Variants in CHMP6 observed in about 807,000 individuals in gnomAD.
The protein encoded by CHMP6 is charged multivesicular body protein 6.
A neutral mutation model predicts 32.8 loss-of-function variants in CHMP6; 10 were observed. The ratio of observed to expected loss-of-function variants is 0.30; its 90% CI spans 0.19 to 0.52. CHMP6 has a LOEUF of 0.52. Ranked by LOEUF, CHMP6 falls within the 20% of genes least tolerant of loss-of-function variation. The pLI is 0.97. For synonymous variants in CHMP6, 123 were observed against 105.8 expected (o/e 1.16, Z -1.00); for missense variants, 269 against 263.8 (o/e 1.02, Z -0.14).
At chr17:80,999,045 GT>G (rs1351257119) in intron 7 of CHMP6, 52 bp from the exon 8 acceptor site, 32 of 1,606,804 alleles carry the variant, frequency 2.0e-5, no homozygotes, top group Non-Finnish European at 2.6e-5. Flanking sequence ...CTCTCTGGAG[GT>G]CTCTGCCTGT....
intron 4 of CHMP6, among the ~76,000 whole-genome samples, chr17:80,996,155 A>G (rs2069635807): frequency 6.6e-6 from 1 of 152,078 alleles, no homozygotes; most frequent in African/African-American, 2.4e-5. Context: ...CCCTGTCTCT[A>G]CTAATAATAC....
rs568506192 is a variant in CHMP6 at position 80,993,772 on chromosome 17, G to A, written c.64-809G>A. On this transcript the variant is annotated intron_variant, in intron 1 of 7. Coordinates refer to ENST00000325167, the MANE Select transcript of CHMP6 (RefSeq NM_024591.5). ...GGGCCGAGTGGGTGTCCCTGCAGCC[G>A]GATGGTTGGCAAAGGGGCAGGGAAG... is the stretch of plus-strand genomic sequence containing the variant. Among the ~76,000 whole-genome samples, 5 of 152,200 alleles carry A rather than the reference G, an allele frequency of 3.3e-5. No individual in the cohort carries two copies. In the South Asian group the frequency reaches 1.0e-3, roughly 31 times the overall value.
intron 4 of CHMP6, 40 bp downstream of exon 4, chr17:80,995,798 G>T (rs1410006250): frequency 6.3e-7 from 1 of 1,581,838 alleles, no homozygotes; most frequent in South Asian, 1.1e-5. Flanking sequence ...GGTGTGGGGA[G>T]CCCATTGGGC....
In CHMP6 at chr17:80,999,478, G is replaced by A. The variant is rs764826426; in HGVS notation, c.*325G>A. ...GCTGTTCCCCTGCAGTCCCAGCCCC[G>A]CGTGGCTCGCGCTCGTCTGTGAGGA... On this transcript the variant is annotated 3_prime_UTR_variant, in exon 8 of 8. Coordinates refer to ENST00000325167, the MANE Select transcript of CHMP6 (RefSeq NM_024591.5). 11 of 329,642 alleles carry A rather than the reference G, an allele frequency of 3.3e-5. No homozygotes were observed. The highest frequency in any genetic ancestry group is 4.6e-5 in the Non-Finnish European group (8 of 174,256). 20.4% of individuals were successfully genotyped at this position (329,642 alleles called of 1,614,324 possible).
At position 80,999,056 on chromosome 17, in the gene CHMP6, T is replaced by C. The variant is rs184137620; in HGVS notation, c.551-42T>C. ...GTCCCTCTCTGGAGGTCTCTGCCTG[T>C]GGGTCTTTGGCGTGTCATAAACATC... On this transcript the variant is annotated intron_variant, in intron 7 of 7. Coordinates refer to ENST00000325167, the MANE Select transcript of CHMP6 (RefSeq NM_024591.5). The C allele has an allele frequency of 4.9e-5, 79 of 1,611,852 alleles. No individual in the cohort carries two copies. In the East Asian group the frequency reaches 1.5e-3, roughly 31 times the overall value.
At chr17:80,995,565 CCA>C in intron 3 of CHMP6, 105 bp from the exon 4 acceptor site, 3 of 908,718 alleles carry the variant, frequency 3.3e-6, no homozygotes, top group Admixed American at 1.9e-5. Flanking sequence ...ACCCTCACGC[CCA>C]GCAGCACCCG....
Position 80,999,234 on chromosome 17 carries a change from A to T in CHMP6, c.*81A>T. On this transcript the variant is annotated 3_prime_UTR_variant, in exon 8 of 8. Transcript: ENST00000325167. ...GAGTTTGGGTCACGGCCAGCCCCTG[A>T]CCGGGTTCCCTGGAGCCCAGTGCGC... 2 of 1,551,966 alleles carry T rather than the reference A, an allele frequency of 1.3e-6. No homozygotes were observed. Among genetic ancestry groups the T allele is most frequent in the Non-Finnish European group, 1.8e-6 (2 of 1,126,080 alleles).
chr17:80,992,661 AC>A (rs1014141658), intron 1 of CHMP6, among the ~76,000 whole-genome samples: 1 of 151,330 alleles, frequency 6.6e-6, no homozygotes, highest in Non-Finnish European at 1.5e-5. Flanking sequence ...CTCCAGACTG[AC>A]CCCCCGGGGC....
At chr17:80,995,395 C>T (rs1341803417) in intron 3 of CHMP6, among the ~76,000 whole-genome samples, 6 of 152,046 alleles carry the variant, frequency 3.9e-5, no homozygotes, top group African/African-American at 1.4e-4. Context: ...ACTGAGTGTC[C>T]CTGGTGTTAG....
In CHMP6 at chr17:80,995,078, A is replaced by C. The variant is rs758954913; in HGVS notation, c.233A>C (p.Glu78Ala). ...RYQEQLLDRT[E>A]NQISSLEAMV... ...CAGGAGCAGCTCCTGGACAGGACGG[A>C]GAACCAGATCAGCAGCCTGGAGGCC... Residue 78 changes from glutamate (E) to alanine (A), a missense_variant, in exon 3 of 8, where the codon GAG (glutamate) becomes GCG (alanine). Transcript: ENST00000325167. The C allele has an allele frequency of 6.2e-7, 1 of 1,602,754 alleles. No homozygotes were observed. Among genetic ancestry groups the C allele is most frequent in the African/African-American group, 1.3e-5 (1 of 74,868 alleles).
chr17:80,996,816 C>T (rs908418195), intron 4 of CHMP6, among the ~76,000 whole-genome samples, 191 bp from the exon 5 acceptor site: 8 of 152,228 alleles, frequency 5.3e-5, no homozygotes, highest in Non-Finnish European at 1.0e-4. Flanking sequence ...TGGTGGCATG[C>T]ACCTGTAGTC....
chr17:80,997,047 C>G lies in CHMP6; in HGVS notation c.389C>G (p.Thr130Arg), dbSNP rs751560399. Residue 130 changes from threonine to arginine, a missense_variant, in exon 5 of 8, where the codon ACG becomes AGG. By Grantham distance (71) the Thr-to-Arg change is moderately conservative (BLOSUM62 -1). Coordinates refer to ENST00000325167, the MANE Select transcript of CHMP6 (RefSeq NM_024591.5). ...IEEVERILDE[T>R]QEAVEYQRQI... ...GAGGTGGAGAGGATCCTGGACGAGA[C>G]GCAGGAGGCCGTGGAGTACCAGCGG... is the stretch of plus-strand genomic sequence containing the variant. 6.2e-7 allele frequency: 1 copy of G among 1,613,780 alleles called. No individual in the cohort carries two copies. Among genetic ancestry groups the G allele is most frequent in the East Asian group, 2.2e-5 (1 of 44,896 alleles).
At chr17:80,998,110 C>T (rs1450549761) in intron 6 of CHMP6, among the ~76,000 whole-genome samples, 2 of 152,204 alleles carry the variant, frequency 1.3e-5, no homozygotes, top group Non-Finnish European at 2.9e-5. Flanking sequence ...GACGTCGCCT[C>T]CTTACAGCCC....
At position 80,999,220 on chromosome 17, in the gene CHMP6, A is replaced by T; in HGVS notation, c.*67A>T. The stretch of plus-strand genomic sequence containing the variant: ...CTGTGGCCCACAGAGAGTTTGGGTC[A>T]CGGCCAGCCCCTGACCGGGTTCCCT... On this transcript the variant is annotated 3_prime_UTR_variant, in exon 8 of 8. Coordinates refer to ENST00000325167, the MANE Select transcript of CHMP6 (RefSeq NM_024591.5). 6.3e-7 allele frequency: 1 copy of T among 1,590,790 alleles called. No individual in the cohort carries two copies. Among genetic ancestry groups the T allele is most frequent in the Non-Finnish European group, 8.6e-7 (1 of 1,160,012 alleles).
intron 1 of CHMP6, 99 bp from the exon 2 acceptor site, chr17:80,994,482 C>G (rs1418842788): frequency 1.9e-6 from 2 of 1,060,830 alleles, no homozygotes; most frequent in Admixed American, 5.5e-5. Flanking sequence ...ATGAAGGACA[C>G]TCACGGAGGG....
intron 3 of CHMP6, among the ~76,000 whole-genome samples, chr17:80,995,332 G>A (rs1353955038): frequency 6.6e-6 from 1 of 152,160 alleles, no homozygotes; most frequent in Non-Finnish European, 1.5e-5. Flanking sequence ...ACTGAGGTGG[G>A]GAAGGTTGGG....
chr17:80,992,751 G>T (rs913176587), intron 1 of CHMP6, among the ~76,000 whole-genome samples: 3 of 152,220 alleles, frequency 2.0e-5, no homozygotes, highest in African/African-American at 7.2e-5. Context: ...GCATGTCAGG[G>T]ACAGGGCGGG....
At chr17:80,993,375 T>G (rs868823974) in intron 1 of CHMP6, among the ~76,000 whole-genome samples, 2 of 152,178 alleles carry the variant, frequency 1.3e-5, no homozygotes, top group African/African-American at 4.8e-5. Context: ...CTGCCTGCCT[T>G]TGGCCCCTGG....
chr17:80,994,207 C>T (rs1470085157), intron 1 of CHMP6, among the ~76,000 whole-genome samples: 6 of 152,250 alleles, frequency 3.9e-5, no homozygotes, highest in Non-Finnish European at 8.8e-5. Context: ...AGCCACTGCG[C>T]CCAGCCGAGT....
Sources: allele counts gnomAD v4.1 joint callset (sites outside exome capture counted in the v4.1 genomes callset), GRCh38; gene constraint gnomAD v4.1.1; transcripts MANE v1.5; gene names NCBI Gene and HGNC (gene_info 2026-07-23, HGNC 2026-07-21).